Variants in EPHB1 observed in about 807,000 individuals in gnomAD.
EPHB1 encodes ephrin type-B receptor 1.
EPHB1 carries 30 observed loss-of-function variants against 94.4 expected under a neutral mutation model. The ratio of observed to expected loss-of-function variants is 0.32; its 90% confidence interval spans 0.24 to 0.43. EPHB1 has a LOEUF of 0.43. EPHB1 is among the 20% of genes least tolerant of loss of function. The pLI, the probability that EPHB1 is intolerant of heterozygous loss-of-function variation, is 1.00. For missense variants in EPHB1, 1,055 were observed against 1,308.3 expected, an observed-to-expected ratio of 0.81 and a Z score of 2.99; for synonymous variants, 522 against 489.1, an observed-to-expected ratio of 1.07 and a Z score of -0.89.
chr3:135,243,090 AAAAAGAAAAG>A (rs869264520), intron 13 of EPHB1, among the ~76,000 whole-genome samples: 1,272 of 77,910 alleles, frequency 0.016, 8 homozygotes, highest in Non-Finnish European at 0.03. Flanking sequence ...AAAAAAAAAA[AAAAAGAAAAG>A]AAAAGAAAAG....
intron 3 of EPHB1, among the ~76,000 whole-genome samples, chr3:135,010,383 AT>A (rs1328084944): frequency 1.3e-5 from 2 of 151,640 alleles, no homozygotes; most frequent in South Asian, 4.2e-4. Context: ...ATACACAGGC[AT>A]TTTTTTTCTT....
intron 15 of EPHB1, among the ~76,000 whole-genome samples, chr3:135,251,576 G>A (rs1240207991): frequency 1.3e-5 from 2 of 152,154 alleles, no homozygotes; most frequent in Non-Finnish European, 2.9e-5. Context: ...TTTCTTGAGA[G>A]GTAAAAGATG....
rs569068542 is a variant in EPHB1 at position 135,208,012 on chromosome 3, A to G, written c.2346+6323A>G. Among the ~76,000 whole-genome samples the G allele has an allele frequency of 5.3e-5, 8 of 152,326 alleles. No homozygotes were observed. The East Asian group carries it at 1.5e-3, about 29-fold the overall frequency. On this transcript the variant is annotated intron_variant, in intron 12 of 15. Transcript: ENST00000398015. ...ACCCAATTGGGGATTATTAGGACTT[A>G]AACATATGAATTTGGGGGACACATA...
intron 12 of EPHB1, among the ~76,000 whole-genome samples, chr3:135,240,726 G>A (rs944282895): frequency 1.3e-5 from 2 of 152,142 alleles, no homozygotes; most frequent in African/African-American, 4.8e-5. Context: ...CTTTCCTTTT[G>A]TACCATTGCA....
chr3:135,100,404 T>G (rs1195979258), intron 3 of EPHB1, among the ~76,000 whole-genome samples: 1 of 152,160 alleles, frequency 6.6e-6, no homozygotes, highest in Non-Finnish European at 1.5e-5. Flanking sequence ...GAGGCTCTGG[T>G]GAGTGCTGAG....
At chr3:134,919,586 G>A (rs1052545346) in intron 1 of EPHB1, among the ~76,000 whole-genome samples, 1 of 152,174 alleles carries the variant, frequency 6.6e-6, no homozygotes, top group Non-Finnish European at 1.5e-5. Context: ...CCTGTTGCAA[G>A]GGCTGAGGGT....
chr3:135,056,142 C>A (rs1472245246), intron 3 of EPHB1, among the ~76,000 whole-genome samples: 3 of 152,220 alleles, frequency 2.0e-5, no homozygotes, highest in Non-Finnish European at 4.4e-5. Flanking sequence ...AGCCTGCACA[C>A]CAGTGTGGAA....
At chr3:134,858,184 A>G (rs535791945) in intron 1 of EPHB1, among the ~76,000 whole-genome samples, 2 of 151,882 alleles carry the variant, frequency 1.3e-5, no homozygotes, top group African/African-American at 4.8e-5. Context: ...CATCATCATC[A>G]TCATCATCAT....
At chr3:135,162,266 A>G in intron 7 of EPHB1, 86 bp downstream of exon 7, 1 of 1,384,274 alleles carries the variant, frequency 7.2e-7, no homozygotes. Flanking sequence ...ACTAGCCAAA[A>G]ATGCTGATCT....
chr3:134,838,472 C>G (rs1439492606), intron 1 of EPHB1, among the ~76,000 whole-genome samples: 1 of 152,136 alleles, frequency 6.6e-6, no homozygotes, highest in Non-Finnish European at 1.5e-5. Flanking sequence ...TCCCAAATGT[C>G]TTCCCCACGG....
chr3:134,858,962 G>A (rs964557872), intron 1 of EPHB1, among the ~76,000 whole-genome samples: 2 of 152,192 alleles, frequency 1.3e-5, no homozygotes, highest in Non-Finnish European at 2.9e-5. Flanking sequence ...CACCACATAT[G>A]GGGAAAACTG....
intron 3 of EPHB1, among the ~76,000 whole-genome samples, chr3:135,019,553 A>C (rs2107753563): frequency 6.6e-6 from 1 of 152,340 alleles, no homozygotes; most frequent in African/African-American, 2.4e-5. Context: ...GAAAAAATGA[A>C]AATCACCCAG....
At chr3:134,952,371 T>TCTCTCA (rs1553714317) in intron 3 of EPHB1, among the ~76,000 whole-genome samples, 1 of 148,210 alleles carries the variant, frequency 6.7e-6, no homozygotes, top group Non-Finnish European at 1.5e-5. Context: ...TCTCTCTCTC[T>TCTCTCA]CACACACACA....
chr3:135,011,963 A>AC (rs1553721840), intron 3 of EPHB1, among the ~76,000 whole-genome samples: 10 of 151,920 alleles, frequency 6.6e-5, no homozygotes, highest in African/African-American at 2.4e-4. Flanking sequence ...TGCAGTCCAG[A>AC]TTTTTTTTAC....
intron 12 of EPHB1, among the ~76,000 whole-genome samples, chr3:135,202,502 A>G (rs1942784526): frequency 6.6e-6 from 1 of 152,052 alleles, no homozygotes; most frequent in Admixed American, 6.6e-5. Flanking sequence ...TTTCACCTGG[A>G]TTGTTACAGT....
chr3:135,062,628 C>T (rs559134846), intron 3 of EPHB1, among the ~76,000 whole-genome samples: 2 of 152,256 alleles, frequency 1.3e-5, no homozygotes, highest in Admixed American at 1.3e-4. Context: ...TTTTCCCACT[C>T]TGTGGGCTGT....
chr3:135,167,821 G>A, intron 9 of EPHB1, among the ~76,000 whole-genome samples: 1 of 152,198 alleles, frequency 6.6e-6, no homozygotes, highest in East Asian at 1.9e-4. Flanking sequence ...GCTCTGTCAA[G>A]GCTTCTTCTG....
chr3:135,101,556 A>G (rs929869491), intron 3 of EPHB1, among the ~76,000 whole-genome samples: 3 of 145,768 alleles, frequency 2.1e-5, no homozygotes, highest in South Asian at 2.2e-4. Context: ...TTTTTTTTGT[A>G]TTTTTAGTAG....
At chr3:134,926,875 T>C (rs971144367) in intron 2 of EPHB1, among the ~76,000 whole-genome samples, 6 of 152,170 alleles carry the variant, frequency 3.9e-5, no homozygotes, top group African/African-American at 4.8e-5. Flanking sequence ...AAATAGGATA[T>C]GCAGAGGCTA....
Sources: allele counts gnomAD v4.1 joint callset (sites outside exome capture counted in the v4.1 genomes callset), GRCh38; gene constraint gnomAD v4.1.1; transcripts MANE v1.5; gene names NCBI Gene and HGNC (gene_info 2026-07-23, HGNC 2026-07-21).